LINGO1: variants seen among roughly 807,000 people sequenced by gnomAD.
The protein encoded by LINGO1 is leucine rich repeat and Ig domain containing 1, also known as leucine-rich repeat and immunoglobulin-like domain-containing nogo receptor-interacting protein 1.
LINGO1 carries 11 observed loss-of-function variants against 37.3 expected under a neutral mutation model. The observed-to-expected ratio is 0.29, with a 90% CI of 0.19 to 0.49. The LOEUF (loss-of-function observed/expected upper bound fraction) is 0.49. Among genes scored for constraint, LINGO1 ranks in the 20% least tolerant of loss-of-function variants. The pLI, the probability that LINGO1 is intolerant of heterozygous loss-of-function variation, is 0.99. For synonymous variants in LINGO1, 387 were observed against 403.0 expected, an observed-to-expected ratio of 0.96 and a Z score of 0.48; for missense variants, 585 against 878.2, an observed-to-expected ratio of 0.67 and a Z score of 4.22.
At chr15:77,696,739 T>C (rs765229273), upstream of LINGO1, among the ~76,000 whole-genome samples, 2 of 152,096 alleles carry the variant, frequency 1.3e-5, no homozygotes, top group Non-Finnish European at 2.9e-5. Flanking sequence ...AGTGGCTGAG[T>C]AGGAGCTTCA....
chr15:77,794,341 TAC>T, intron 2 of LINGO1, among the ~76,000 whole-genome samples: 1 of 116,294 alleles, frequency 8.6e-6, no homozygotes, highest in Admixed American at 9.8e-5. Context: ...TGTATATACA[TAC>T]ATATATACGT....
At chr15:77,672,139 C>T (rs533837111) in intron 3 of LINGO1, among the ~76,000 whole-genome samples, 1 of 152,022 alleles carries the variant, frequency 6.6e-6, no homozygotes, top group South Asian at 2.1e-4. Flanking sequence ...TGCCACTCCT[C>T]TCCCCACCCC....
chr15:77,642,010 C>G, intron 3 of LINGO1: 1 of 456,630 alleles, frequency 2.2e-6, no homozygotes, highest in African/African-American at 2.0e-5. Context: ...CCTGGGGATA[C>G]TCATGCCTAT....
upstream of LINGO1, among the ~76,000 whole-genome samples, chr15:77,636,657 A>C (rs2074402747): frequency 6.6e-6 from 1 of 152,090 alleles, no homozygotes; most frequent in African/African-American, 2.4e-5. Context: ...CCTGGGCCAA[A>C]GTTTCCCCAG....
chr15:77,668,240 A>C (rs1007067788), intron 3 of LINGO1, among the ~76,000 whole-genome samples: 2 of 152,210 alleles, frequency 1.3e-5, no homozygotes, highest in Admixed American at 1.3e-4. Flanking sequence ...GTCCCAGCTC[A>C]GTGAACTCTC....
intron 2 of LINGO1, among the ~76,000 whole-genome samples, chr15:77,723,804 T>C (rs2076074692): frequency 6.6e-6 from 1 of 152,010 alleles, no homozygotes; most frequent in South Asian, 2.1e-4. Context: ...CTGGGGGGCA[T>C]CAGGGGAAAG....
exon 2 of LINGO1, chr15:77,690,739 T>C (rs2075589015): frequency 6.6e-6 from 1 of 152,310 alleles, no homozygotes; most frequent in Admixed American, 6.5e-5. Flanking sequence ...TGCTGTGTCC[T>C]GCTGGGTCCC....
At chr15:77,636,712 C>T (rs781534142), upstream of LINGO1, among the ~76,000 whole-genome samples, 40 of 152,130 alleles carry the variant, frequency 2.6e-4, no homozygotes, top group South Asian at 1.2e-3. Flanking sequence ...AAGCTCAGGG[C>T]TCCTTGGACG....
At chr15:77,739,063 C>T (rs963138948) in intron 1 of LINGO1, among the ~76,000 whole-genome samples, 3 of 152,234 alleles carry the variant, frequency 2.0e-5, no homozygotes, top group Non-Finnish European at 2.9e-5. Flanking sequence ...CAGCCCCCAC[C>T]CCAGGGAGTC....
chr15:77,652,483 A>AGAGTGTGTGTGTGTGTGT (rs1555525720), intron 3 of LINGO1, among the ~76,000 whole-genome samples: 1 of 128,878 alleles, frequency 7.8e-6, no homozygotes. Flanking sequence ...GGGGAGGGAG[A>AGAGTGTGTGTGTGTGTGT]GTGTGTGTGT....
At position 77,773,936 on chromosome 15, in the gene LINGO1, C is replaced by T. The variant is rs963242276; in HGVS notation, c.-257+12933G>A. ...CTGCTGGTCCCCACAAACAACATCTCTCCTCAGTCCCACACCACCAGGGCT... is the reference window on the plus strand; with the variant it reads ...CTGCTGGTCCCCACAAACAACATCTTTCCTCAGTCCCACACCACCAGGGCT... On this transcript the variant is annotated intron_variant, in intron 1 of 3. Transcript: ENST00000561686. Among the ~76,000 whole-genome samples the T allele has an allele frequency of 2.0e-5, 3 of 152,230 alleles. No homozygotes were observed. The East Asian group carries it at 5.8e-4, about 29-fold the overall frequency.
rs199815695 is a variant in LINGO1 at position 77,794,408 on chromosome 15, GTGTATATACATACGTATA to G, written c.-343+1513_-343+1530del. ...TATACATACATATATACGTATATAT[GTGTATATACATACGTATA>G]TGTATATACATACATATATACGTAT... On this transcript the variant is annotated intron_variant, in intron 2 of 5. Coordinates refer to the LINGO1 transcript ENST00000562933. 1.7e-3 allele frequency among the ~76,000 whole-genome samples: 78 copies of G among 44,946 alleles called. 3 individuals are homozygous for G. The highest frequency in any genetic ancestry group is 2.2e-3 in the Admixed American group (7 of 3,238). The allele number at this position is 44,946 out of a possible 152,430, so 29.5% of individuals were successfully genotyped here.
intron 1 of LINGO1, among the ~76,000 whole-genome samples, chr15:77,630,553 GAC>G (rs71658179): frequency 0.023 from 3,481 of 152,242 alleles, 126 homozygotes; most frequent in African/African-American, 0.08. Context: ...GATGAAAGAG[GAC>G]TATCGCAAGG....
chr15:77,738,281 GA>G (rs923005378), intron 1 of LINGO1, among the ~76,000 whole-genome samples: 1 of 152,132 alleles, frequency 6.6e-6, no homozygotes, highest in African/African-American at 2.4e-5. Context: ...ATGACGGAGA[GA>G]ATCAGGCCCT....
At chr15:77,763,738 TCAGAGAGGTC>T (rs996463126) in intron 1 of LINGO1, among the ~76,000 whole-genome samples, 1 of 152,080 alleles carries the variant, frequency 6.6e-6, no homozygotes, top group Admixed American at 6.6e-5. Context: ...GGAGACAGGC[TCAGAGAGGTC>T]CAGAGCCTGC....
intron 3 of LINGO1, chr15:77,647,737 C>A (rs965278403): frequency 2.5e-6 from 1 of 404,114 alleles, no homozygotes; most frequent in Non-Finnish European, 4.9e-6. Flanking sequence ...CCGCCCCATG[C>A]CCTTCTTGTC....
At chr15:77,689,528 T>C (rs563483930) in intron 2 of LINGO1, among the ~76,000 whole-genome samples, 6 of 152,286 alleles carry the variant, frequency 3.9e-5, no homozygotes, top group African/African-American at 9.6e-5. Flanking sequence ...ACCTGGGCCA[T>C]CCAGGCCCTC....
chr15:77,781,637 C>T (rs972467278), intron 1 of LINGO1, among the ~76,000 whole-genome samples: 2 of 152,142 alleles, frequency 1.3e-5, no homozygotes, highest in Non-Finnish European at 2.9e-5. Context: ...CATCACACTC[C>T]GCACTCCGTA....
intron 2 of LINGO1, among the ~76,000 whole-genome samples, chr15:77,793,073 C>T (rs2076830753): frequency 6.6e-6 from 1 of 152,176 alleles, no homozygotes. Flanking sequence ...TGTCATAAGC[C>T]ACCCCCCAGT....
Sources: allele counts gnomAD v4.1 joint callset (sites outside exome capture counted in the v4.1 genomes callset), GRCh38; gene constraint gnomAD v4.1.1; transcripts MANE v1.5; gene names NCBI Gene and HGNC (gene_info 2026-07-23, HGNC 2026-07-21).